Variants in LARS2 observed in about 807,000 individuals in gnomAD.
The protein encoded by LARS2 is leucine--tRNA ligase, mitochondrial.
A neutral mutation model predicts 116.6 loss-of-function variants in LARS2; 81 were observed. The ratio of observed to expected loss-of-function variants is 0.69; its 90% confidence interval spans 0.58 to 0.84. The LOEUF is 0.84. Ranked by LOEUF, LARS2 falls within the 40% of genes least tolerant of loss-of-function variation. The pLI is 0.00. For synonymous variants in LARS2, 396 were observed against 407.2 expected (o/e 0.97, Z 0.33); for missense variants, 968 against 1,114.5 (o/e 0.87, Z 1.87).
intron 7 of LARS2, among the ~76,000 whole-genome samples, 189 bp from the exon 8 acceptor site, chr3:45,458,554 G>T (rs1699253459): frequency 2.0e-5 from 3 of 152,168 alleles, no homozygotes; most frequent in South Asian, 2.1e-4. Flanking sequence ...GTCAGGTGTG[G>T]TGGTGGGCAC....
chr3:45,415,517 A>G (rs1187645946), intron 4 of LARS2, among the ~76,000 whole-genome samples: 4 of 152,150 alleles, frequency 2.6e-5, no homozygotes, highest in Non-Finnish European at 1.5e-5. Flanking sequence ...TCTTATACCA[A>G]AAGCATAGCT....
At chr3:45,483,476 C>G (rs1699740679) in intron 10 of LARS2, among the ~76,000 whole-genome samples, 1 of 152,002 alleles carries the variant, frequency 6.6e-6, no homozygotes, top group Admixed American at 6.5e-5. Context: ...TGGTGAAACC[C>G]CATCTCTACT....
chr3:45,540,746 GTCTATCTATCTATCTATCTATCTATCTA>G (rs3085493), intron 20 of LARS2, among the ~76,000 whole-genome samples: 63 of 149,224 alleles, frequency 4.2e-4, no homozygotes, highest in African/African-American at 1.5e-3. Flanking sequence ...GTATCTATCT[GTCTATCTATCTATCTATCTATCTATCTA>G]TCTATCTATC....
At chr3:45,440,842 C>G (rs896739144) in intron 6 of LARS2, among the ~76,000 whole-genome samples, 12 of 152,186 alleles carry the variant, frequency 7.9e-5, no homozygotes, top group African/African-American at 2.9e-4. Context: ...TGGTCTTTCC[C>G]TCATAAACAC....
intron 4 of LARS2, among the ~76,000 whole-genome samples, chr3:45,414,245 G>T (rs1438662478): frequency 6.6e-6 from 1 of 152,060 alleles, no homozygotes; most frequent in Non-Finnish European, 1.5e-5. Context: ...TTGACAGCAG[G>T]TACAGTGAAA....
chr3:45,461,053 G>A (rs1466576645), intron 8 of LARS2, among the ~76,000 whole-genome samples: 1 of 152,068 alleles, frequency 6.6e-6, no homozygotes, highest in East Asian at 1.9e-4. Flanking sequence ...GGGAAAAAAA[G>A]GCATTCCAAT....
chr3:45,435,297 G>A (rs1419589435), intron 6 of LARS2, among the ~76,000 whole-genome samples: 1 of 152,078 alleles, frequency 6.6e-6, no homozygotes, highest in Non-Finnish European at 1.5e-5. Context: ...ACCAAGAGGG[G>A]GATGGATTGT....
intron 8 of LARS2, among the ~76,000 whole-genome samples, chr3:45,461,352 G>A (rs1699321808): frequency 6.6e-6 from 1 of 151,998 alleles, no homozygotes; most frequent in African/African-American, 2.4e-5. Context: ...ACACACCTAT[G>A]TAGTGAACAG....
At chr3:45,447,537 C>CTG (rs35354904) in intron 7 of LARS2, among the ~76,000 whole-genome samples, 69,430 of 151,614 alleles carry the variant, frequency 0.46, 18,816 homozygotes, top group East Asian at 0.7. Flanking sequence ...GCCAAATTCT[C>CTG]TGTGTGTGTG....
At chr3:45,415,860 A>AAAAAATATAT (rs1553627793) in intron 4 of LARS2, among the ~76,000 whole-genome samples, 3 of 92,740 alleles carry the variant, frequency 3.2e-5, no homozygotes, top group Admixed American at 1.1e-4. Flanking sequence ...AAAAAAAAAA[A>AAAAAATATAT]ATATATATAT....
intron 4 of LARS2, among the ~76,000 whole-genome samples, chr3:45,410,694 G>C (rs1407601059): frequency 2.0e-5 from 3 of 152,118 alleles, no homozygotes; most frequent in Non-Finnish European, 4.4e-5. Context: ...ACAAGCTAGG[G>C]AGCAGAGCCA....
chr3:45,414,526 T>C (rs982159348), intron 4 of LARS2, among the ~76,000 whole-genome samples: 1 of 152,118 alleles, frequency 6.6e-6, no homozygotes, highest in African/African-American at 2.4e-5. Flanking sequence ...TCGTCATTAT[T>C]TTAAGGAAAT....
intron 11 of LARS2, 136 bp from the exon 12 acceptor site, chr3:45,488,561 G>A: frequency 1.6e-6 from 1 of 636,316 alleles, no homozygotes. Context: ...CAACTAATGT[G>A]ATGTGGTTTT....
At chr3:45,494,597 A>T (rs926017692) in intron 13 of LARS2, among the ~76,000 whole-genome samples, 26 of 152,224 alleles carry the variant, frequency 1.7e-4, no homozygotes, top group African/African-American at 6.0e-4. Flanking sequence ...CCTACCCATC[A>T]GACAGAAGGT....
At chr3:45,434,216 T>C (rs1193430685) in intron 6 of LARS2, among the ~76,000 whole-genome samples, 1 of 152,230 alleles carries the variant, frequency 6.6e-6, no homozygotes, top group African/African-American at 2.4e-5. Context: ...TCTGATGACA[T>C]GCATGTCAGA....
chr3:45,436,666 C>A (rs1248505485), intron 6 of LARS2, among the ~76,000 whole-genome samples: 1 of 151,690 alleles, frequency 6.6e-6, no homozygotes, highest in South Asian at 2.1e-4. Flanking sequence ...CGGTGGCGGG[C>A]GCCTGTAGTC....
At chr3:45,410,863 G>T (rs182677467) in intron 4 of LARS2, among the ~76,000 whole-genome samples, 1 of 152,144 alleles carries the variant, frequency 6.6e-6, no homozygotes, top group Non-Finnish European at 1.5e-5. Flanking sequence ...TTGGCAGTTC[G>T]TACTAACACT....
chr3:45,516,424 T>G (rs1700370547), intron 17 of LARS2, 148 bp downstream of exon 17: 1 of 706,378 alleles, frequency 1.4e-6, no homozygotes, highest in African/African-American at 1.8e-5. Flanking sequence ...TTGACCAGCA[T>G]CCTGCACCAC....
At chr3:45,435,289 C>T (rs1361335993) in intron 6 of LARS2, among the ~76,000 whole-genome samples, 1 of 152,112 alleles carries the variant, frequency 6.6e-6, no homozygotes, top group African/African-American at 2.4e-5. Context: ...CTGATACCAC[C>T]AAGAGGGGGA....
Sources: allele counts gnomAD v4.1 joint callset (sites outside exome capture counted in the v4.1 genomes callset), GRCh38; gene constraint gnomAD v4.1.1; transcripts MANE v1.5; gene names NCBI Gene and HGNC (gene_info 2026-07-23, HGNC 2026-07-21).